PDCD6: variants seen among roughly 807,000 people sequenced by gnomAD.
PDCD6 encodes programmed cell death protein 6.
Under a neutral mutation model 28.3 loss-of-function variants are expected in PDCD6, and 12 were observed. That is an observed-to-expected ratio of 0.42 (90% CI 0.27 to 0.69). The LOEUF (loss-of-function observed/expected upper bound fraction) is 0.69. PDCD6 is among the 30% of genes least tolerant of loss of function. The pLI is 0.22. For missense variants in PDCD6, 226 were observed against 269.9 expected (o/e 0.84, Z 1.14); for synonymous variants, 92 against 108.0 (o/e 0.85, Z 0.92).
At chr5:280,144 A>C (rs1242077402) in intron 2 of PDCD6, among the ~76,000 whole-genome samples, 1 of 151,748 alleles carries the variant, frequency 6.6e-6, no homozygotes, top group Non-Finnish European at 1.5e-5. Flanking sequence ...GTGTTCATCC[A>C]CCTGAGGGGC....
intron 2 of PDCD6, among the ~76,000 whole-genome samples, chr5:279,339 A>T (rs1215530061): frequency 3.3e-5 from 5 of 152,014 alleles, no homozygotes; most frequent in Admixed American, 6.5e-5. Flanking sequence ...GAAGCCTGGA[A>T]TGTGTGGCAC....
intron 4 of PDCD6, chr5:310,095 C>G (rs1740810421): frequency 4.6e-6 from 1 of 216,560 alleles, no homozygotes; most frequent in South Asian, 5.1e-5. Context: ...GTCCCAGGCT[C>G]TGTTCTCAGC....
At position 311,403 on chromosome 5, in the gene PDCD6, G is replaced by A. The variant is rs1346899216; in HGVS notation, c.477+1G>A. ...CATCCAGGGCTGCATCGTCCTGCAG[G>A]TGACGGAATGGCTTCACGTGGGTTT... On this transcript the variant is annotated splice_donor_variant, in intron 5 of 5. Coordinates refer to ENST00000264933, the MANE Select transcript of PDCD6 (RefSeq NM_013232.4). LOFTEE classifies it high-confidence loss of function. 6.2e-7 allele frequency: 1 copy of A among 1,605,086 alleles called. No individual in the cohort carries two copies. Among genetic ancestry groups the A allele is most frequent in the East Asian group, 2.2e-5 (1 of 44,854 alleles).
intron 2 of PDCD6, among the ~76,000 whole-genome samples, chr5:288,560 T>TA (rs201696884): frequency 0.01 from 1,469 of 143,124 alleles, 27 homozygotes; most frequent in African/African-American, 0.031. Flanking sequence ...AATCCTAAAT[T>TA]AAAAAAAAAA....
intron 2 of PDCD6, among the ~76,000 whole-genome samples, chr5:275,120 T>G (rs550541294): frequency 6.6e-6 from 1 of 152,138 alleles, no homozygotes; most frequent in Non-Finnish European, 1.5e-5. Flanking sequence ...CAAAGCCCTC[T>G]TCTCTAATGT....
chr5:291,426 C>CATCGTCTGAGGGGAGCATGG (rs1561039215), intron 2 of PDCD6, among the ~76,000 whole-genome samples: 1 of 151,008 alleles, frequency 6.6e-6, no homozygotes, highest in East Asian at 2.0e-4. Context: ...CGTGATCTCC[C>CATCGTCTGAGGGGAGCATGG]GTCTCCATTC....
At position 271,720 on chromosome 5, in the gene PDCD6, C is replaced by G; in HGVS notation, c.-1C>G. The G allele has an allele frequency of 6.5e-7, 1 of 1,534,406 alleles. No homozygotes were observed. Among genetic ancestry groups the G allele is most frequent in the Non-Finnish European group, 8.7e-7 (1 of 1,142,944 alleles). ...CTCAGCCCAGCCGCGTGCCTTGGCC[C>G]ATGGCCGCCTACTCTTACCGCCCCG... On this transcript the variant is annotated 5_prime_UTR_variant, in exon 1 of 6. Coordinates refer to ENST00000264933, the MANE Select transcript of PDCD6 (RefSeq NM_013232.4).
intron 2 of PDCD6, among the ~76,000 whole-genome samples, chr5:297,901 T>G (rs1384091674): frequency 6.6e-6 from 1 of 152,120 alleles, no homozygotes; most frequent in Non-Finnish European, 1.5e-5. Flanking sequence ...AAAAAGAAAA[T>G]CGACTTATGT....
rs201542515 is a variant in PDCD6 at position 288,291 on chromosome 5, A to ATT, written c.163+15520_163+15521dup. On this transcript the variant is annotated intron_variant, in intron 2 of 5. Coordinates refer to ENST00000264933, the MANE Select transcript of PDCD6 (RefSeq NM_013232.4). The stretch of plus-strand genomic sequence containing the variant: ...TTTCCCCCCTTAAAATAATATATAT[A>ATT]TTATATATATATATATATATACACA... Among the ~76,000 whole-genome samples, 59 of 83,556 alleles carry ATT rather than the reference A, an allele frequency of 7.1e-4. No individual in the cohort carries two copies. In the East Asian group the frequency reaches 7.3e-3, roughly 10 times the overall value. The allele number at this position is 83,556 out of a possible 152,430, so 54.8% of individuals were successfully genotyped here.
chr5:286,837 G>A lies in PDCD6; in HGVS notation c.163+14065G>A, dbSNP rs566441142. ...CCTGCGGTTCAAATATGAGGGTCCC[G>A]GAGCTGGAGTCTATGTGAGGAGCCA... is the stretch of plus-strand genomic sequence containing the variant. On this transcript the variant is annotated intron_variant, in intron 2 of 5. Transcript: ENST00000264933. 3.9e-5 allele frequency among the ~76,000 whole-genome samples: 6 copies of A among 152,292 alleles called. No homozygotes were observed. In the South Asian group the frequency reaches 1.0e-3, roughly 26 times the overall value.
intron 2 of PDCD6, among the ~76,000 whole-genome samples, chr5:296,546 A>C (rs931508255): frequency 6.6e-5 from 10 of 152,244 alleles, no homozygotes; most frequent in African/African-American, 4.8e-5. Context: ...AGGGACCCCC[A>C]GAGACATGAA....
intron 5 of PDCD6, among the ~76,000 whole-genome samples, chr5:313,549 C>A (rs1242229856): frequency 2.0e-5 from 3 of 152,164 alleles, no homozygotes; most frequent in Non-Finnish European, 4.4e-5. Flanking sequence ...GCAGCCTTGA[C>A]CCTGAGGCTC....
At chr5:296,377 C>T (rs368627843) in intron 2 of PDCD6, among the ~76,000 whole-genome samples, 2 of 152,132 alleles carry the variant, frequency 1.3e-5, no homozygotes, top group East Asian at 3.9e-4. Flanking sequence ...GAGCTGTTCA[C>T]GCCCCACGTG....
chr5:289,738 C>G, intron 2 of PDCD6: 1 of 868,644 alleles, frequency 1.2e-6, no homozygotes, highest in South Asian at 1.3e-5. Flanking sequence ...GCTGTCTGTG[C>G]TGTCAGGCGA....
intron 2 of PDCD6, among the ~76,000 whole-genome samples, chr5:292,249 C>A (rs965036391): frequency 1.1e-4 from 16 of 152,190 alleles, no homozygotes; most frequent in Admixed American, 3.3e-4. Flanking sequence ...TTGCACTTTT[C>A]TTTTATTATT....
At chr5:300,732 C>T (rs1343703079) in intron 2 of PDCD6, among the ~76,000 whole-genome samples, 8 of 152,226 alleles carry the variant, frequency 5.3e-5, no homozygotes, top group Non-Finnish European at 1.2e-4. Context: ...AGCCAGACCC[C>T]GCTGTGGTTG....
At chr5:297,012 C>T (rs1408829740) in intron 2 of PDCD6, among the ~76,000 whole-genome samples, 1 of 152,212 alleles carries the variant, frequency 6.6e-6, no homozygotes, top group African/African-American at 2.4e-5. Flanking sequence ...TCACCTGCAT[C>T]CGCACAAGTG....
In PDCD6 at chr5:290,359, G is replaced by A. The variant is rs1439500869; in HGVS notation, c.164-13818G>A. 1.4e-5 allele frequency: 15 copies of A among 1,067,772 alleles called. No individual in the cohort carries two copies. In the East Asian group the frequency reaches 2.4e-4, roughly 17 times the overall value. 66.1% of individuals were successfully genotyped at this position (1,067,772 alleles called of 1,614,324 possible). On this transcript the variant is annotated intron_variant, in intron 2 of 5. Transcript: ENST00000264933. ...TCCCTCACAGCCTCCGCCTCCCTCCGCAGGTCTCTTGGGGACCGGAATGCC... is the reference window on the plus strand; with the variant it reads ...TCCCTCACAGCCTCCGCCTCCCTCCACAGGTCTCTTGGGGACCGGAATGCC...
At position 288,909 on chromosome 5, in the gene PDCD6, C is replaced by G. The variant is rs1011520239; in HGVS notation, c.164-15268C>G. ...CATGGATGATTCTGAAAGAATCTCT[C>G]CAGTTTTACTGGAATTAGATCCTAC... On this transcript the variant is annotated intron_variant, in intron 2 of 5. Transcript: ENST00000264933. The G allele has an allele frequency of 2.5e-6, 4 of 1,581,360 alleles. No homozygotes were observed. In the African/African-American group the frequency reaches 5.4e-5, roughly 21 times the overall value.
Sources: gnomAD v4.1 joint callset for allele counts (sites outside exome capture counted in the v4.1 genomes callset) on GRCh38, gnomAD v4.1.1 for gene constraint, MANE v1.5 for transcripts, NCBI Gene and HGNC (gene_info 2026-07-23, HGNC 2026-07-21) for gene names.